RBFOX1: variants seen among roughly 807,000 people sequenced by gnomAD.
The protein encoded by RBFOX1 is RNA binding protein fox-1 homolog 1.
Under a neutral mutation model 57.7 loss-of-function variants are expected in RBFOX1, and 8 were observed. The ratio of observed to expected loss-of-function variants is 0.14; its 90% CI spans 0.08 to 0.25. The LOEUF (loss-of-function observed/expected upper bound fraction) is 0.25. Among genes scored for constraint, RBFOX1 ranks in the 10% least tolerant of loss-of-function variants. The pLI, the probability that RBFOX1 is intolerant of heterozygous loss-of-function variation, is 1.00. For synonymous variants in RBFOX1, 326 were observed against 222.4 expected (o/e 1.47, Z -4.15); for missense variants, 611 against 548.5 (o/e 1.11, Z -1.14).
At chr16:6,688,851 T>C (rs965991670) in intron 3 of RBFOX1, among the ~76,000 whole-genome samples, 31 of 152,260 alleles carry the variant, frequency 2.0e-4, no homozygotes, top group African/African-American at 6.0e-4. Flanking sequence ...TGTGTTCTCA[T>C]TGTTCAACTC....
At chr16:7,444,845 T>G (rs549764819) in intron 4 of RBFOX1, among the ~76,000 whole-genome samples, 3 of 152,316 alleles carry the variant, frequency 2.0e-5, no homozygotes, top group Admixed American at 6.5e-5. Flanking sequence ...ATTTTACTCT[T>G]AATCCTGGCC....
chr16:6,032,714 A>C (rs1222664506), intron 1 of RBFOX1, among the ~76,000 whole-genome samples: 1 of 152,184 alleles, frequency 6.6e-6, no homozygotes, highest in Non-Finnish European at 1.5e-5. Context: ...AAACAACACA[A>C]GTATATTCTG....
chr16:7,689,161 CCAT>C (rs1167886998), intron 14 of RBFOX1, among the ~76,000 whole-genome samples: 5 of 152,084 alleles, frequency 3.3e-5, no homozygotes, highest in African/African-American at 1.2e-4. Flanking sequence ...CATAAGTGCC[CCAT>C]CAGTGTTAGA....
intron 4 of RBFOX1, among the ~76,000 whole-genome samples, chr16:7,210,554 G>A (rs951282987): frequency 6.6e-6 from 1 of 152,146 alleles, no homozygotes; most frequent in African/African-American, 2.4e-5. Flanking sequence ...GGAATAAACG[G>A]ATACTGTATT....
intron 3 of RBFOX1, among the ~76,000 whole-genome samples, chr16:5,715,641 C>G (rs1255588814): frequency 6.6e-6 from 1 of 152,150 alleles, no homozygotes; most frequent in African/African-American, 2.4e-5. Flanking sequence ...GCTGTCTCTT[C>G]TAGGTCAAGG....
chr16:7,222,898 C>G (rs1179343084), intron 4 of RBFOX1, among the ~76,000 whole-genome samples: 3 of 152,156 alleles, frequency 2.0e-5, no homozygotes, highest in Non-Finnish European at 4.4e-5. Context: ...AAGAAGTTCA[C>G]TCACTACATT....
intron 2 of RBFOX1, among the ~76,000 whole-genome samples, chr16:6,360,428 T>G (rs2088230988): frequency 6.6e-6 from 1 of 152,168 alleles, no homozygotes; most frequent in Non-Finnish European, 1.5e-5. Flanking sequence ...TGAAACAGAT[T>G]GTCCACACTA....
intron 3 of RBFOX1, among the ~76,000 whole-genome samples, chr16:6,684,447 C>G (rs918316442): frequency 3.3e-5 from 5 of 152,226 alleles, no homozygotes; most frequent in East Asian, 3.9e-4. Flanking sequence ...AAGATGCAAT[C>G]AATTGCTGGC....
intron 4 of RBFOX1, among the ~76,000 whole-genome samples, chr16:5,942,950 G>T (rs912439746): frequency 6.6e-6 from 1 of 152,142 alleles, no homozygotes; most frequent in Non-Finnish European, 1.5e-5. Context: ...ACACTGTCTC[G>T]GGCTGGTAGG....
At chr16:5,507,357 G>C (rs775692949) in intron 2 of RBFOX1, among the ~76,000 whole-genome samples, 3 of 152,098 alleles carry the variant, frequency 2.0e-5, no homozygotes, top group Non-Finnish European at 2.9e-5. Context: ...TGCGAGGAGG[G>C]ATTGTCTTGG....
chr16:5,901,925 G>C (rs1042789483), intron 4 of RBFOX1, among the ~76,000 whole-genome samples: 1 of 151,974 alleles, frequency 6.6e-6, no homozygotes, highest in South Asian at 2.1e-4. Context: ...GCCTTCTTTG[G>C]TTCTCCACCT....
rs534815056 is a variant in RBFOX1 at position 7,147,258 on chromosome 16, G to C, written c.27+95160G>C. On this transcript the variant is annotated intron_variant, in intron 4 of 15. Coordinates refer to ENST00000550418, the MANE Select transcript of RBFOX1 (RefSeq NM_018723.4). ...GACCTCAAGTGATCCGCCCACCTCA[G>C]CCTCCCAAAGTGCTGGGATTACAGG... 2.6e-5 allele frequency among the ~76,000 whole-genome samples: 4 copies of C among 151,424 alleles called. No individual in the cohort carries two copies. In the East Asian group the frequency reaches 7.9e-4, roughly 30 times the overall value.
In RBFOX1 at chr16:7,712,529, A is replaced by C. The variant is rs978553527; in HGVS notation, c.*1784A>C. On this transcript the variant is annotated 3_prime_UTR_variant, in exon 16 of 16. Transcript: ENST00000550418. ...AGTTTCTGTAGCTTCGATACCTAAG[A>C]CAGACGATAGTGATCTTGAAAAGAG... The C allele has an allele frequency of 6.6e-6, 1 of 152,638 alleles. No individual in the cohort carries two copies. The highest frequency in any genetic ancestry group is 1.9e-4 in the East Asian group (1 of 5,182). The allele number at this position is 152,638 out of a possible 1,614,324, so 9.5% of individuals were successfully genotyped here.
chr16:6,135,008 A>G (rs560042029), intron 1 of RBFOX1, among the ~76,000 whole-genome samples: 5 of 150,932 alleles, frequency 3.3e-5, no homozygotes, highest in Non-Finnish European at 7.4e-5. Context: ...CCCTGACCCC[A>G]CTACAGGCCC....
intron 2 of RBFOX1, among the ~76,000 whole-genome samples, chr16:6,510,085 AC>A (rs2096219847): frequency 2.6e-5 from 4 of 152,174 alleles, no homozygotes; most frequent in Non-Finnish European, 5.9e-5. Flanking sequence ...GCTTATAGTT[AC>A]TGAAAGCTTC....
At chr16:6,085,717 A>G (rs543770834) in intron 1 of RBFOX1, among the ~76,000 whole-genome samples, 22 of 152,226 alleles carry the variant, frequency 1.4e-4, no homozygotes, top group South Asian at 1.2e-3. Flanking sequence ...GGGATGATGC[A>G]GCCCGTGGCG....
chr16:5,822,249 T>C (rs2055882557), intron 3 of RBFOX1, among the ~76,000 whole-genome samples: 1 of 152,114 alleles, frequency 6.6e-6, no homozygotes, highest in Non-Finnish European at 1.5e-5. Flanking sequence ...TGCAAAGGCA[T>C]AAGAATGATA....
intron 4 of RBFOX1, among the ~76,000 whole-genome samples, chr16:7,242,296 A>G (rs1230635934): frequency 6.6e-6 from 1 of 152,222 alleles, no homozygotes; most frequent in African/African-American, 2.4e-5. Context: ...AATAAAACAC[A>G]TGGAAAAATA....
At chr16:5,419,686 C>T (rs1413656542) in intron 1 of RBFOX1, among the ~76,000 whole-genome samples, 1 of 152,022 alleles carries the variant, frequency 6.6e-6, no homozygotes, top group Non-Finnish European at 1.5e-5. Context: ...TGGTTGAGTT[C>T]TTTTCTGTGG....
Sources: allele counts gnomAD v4.1 joint callset (sites outside exome capture counted in the v4.1 genomes callset), GRCh38; gene constraint gnomAD v4.1.1; transcripts MANE v1.5; gene names NCBI Gene and HGNC (gene_info 2026-07-23, HGNC 2026-07-21).